Variants in ANKS1A observed in about 807,000 individuals in gnomAD.
ANKS1A encodes ankyrin repeat and sterile alpha motif domain containing 1A.
ANKS1A carries 55 observed loss-of-function variants against 120.3 expected under a neutral mutation model. The observed-to-expected ratio is 0.46, with a 90% CI of 0.37 to 0.57. ANKS1A has a LOEUF of 0.57. Among genes scored for constraint, ANKS1A ranks in the 20% least tolerant of loss-of-function variants. The pLI is 0.00. For missense variants in ANKS1A, 1,123 were observed against 1,480.3 expected (o/e 0.76, Z 3.96); for synonymous variants, 590 against 604.7 (o/e 0.98, Z 0.36).
chr6:34,914,418 C>T (rs964781572), intron 1 of ANKS1A, among the ~76,000 whole-genome samples: 4 of 152,164 alleles, frequency 2.6e-5, no homozygotes, highest in East Asian at 1.9e-4. Flanking sequence ...ATCGTCACTT[C>T]GTAAATCACC....
chr6:34,930,028 T>C (rs1404472562), intron 1 of ANKS1A, among the ~76,000 whole-genome samples: 1 of 152,160 alleles, frequency 6.6e-6, no homozygotes, highest in African/African-American at 2.4e-5. Flanking sequence ...TTTAGTTATC[T>C]TTCATCGATA....
intron 10 of ANKS1A, 28 bp downstream of exon 10, chr6:34,994,450 C>G: frequency 6.2e-7 from 1 of 1,605,168 alleles, no homozygotes; most frequent in Non-Finnish European, 8.5e-7. Flanking sequence ...CCTGGCAGAA[C>G]CAACTCCAAA....
At chr6:34,941,179 G>T (rs1447963196) in intron 1 of ANKS1A, among the ~76,000 whole-genome samples, 1 of 151,934 alleles carries the variant, frequency 6.6e-6, no homozygotes, top group African/African-American at 2.4e-5. Flanking sequence ...GTAGAGACAG[G>T]GTTTCACCAT....
At chr6:35,038,263 G>A in intron 11 of ANKS1A, 1 of 456,726 alleles carries the variant, frequency 2.2e-6, no homozygotes, top group South Asian at 1.5e-5. Context: ...CCTTGTGGGT[G>A]GGTCCGCTGG....
chr6:35,063,593 G>T (rs965734200), intron 13 of ANKS1A, among the ~76,000 whole-genome samples: 13 of 152,216 alleles, frequency 8.5e-5, no homozygotes, highest in African/African-American at 3.1e-4. Context: ...TTCTGAAAAA[G>T]AAAACATGTA....
intron 16 of ANKS1A, among the ~76,000 whole-genome samples, chr6:35,080,453 C>T (rs1173113980): frequency 1.3e-5 from 2 of 152,212 alleles, no homozygotes; most frequent in Non-Finnish European, 2.9e-5. Flanking sequence ...ATGGCGGTAA[C>T]TAGAGCAGCC....
chr6:34,894,991 A>C (rs1298989107), intron 1 of ANKS1A, among the ~76,000 whole-genome samples: 1 of 152,076 alleles, frequency 6.6e-6, no homozygotes, highest in East Asian at 1.9e-4. Flanking sequence ...TCATTGGGGG[A>C]ATAAAAGAAA....
chr6:34,932,856 T>C (rs1469828597), intron 1 of ANKS1A, among the ~76,000 whole-genome samples: 1 of 152,216 alleles, frequency 6.6e-6, no homozygotes, highest in Admixed American at 6.5e-5. Flanking sequence ...TCATTTCTCT[T>C]GGAGTGAATT....
chr6:34,998,681 C>T (rs1038727936), intron 10 of ANKS1A, among the ~76,000 whole-genome samples: 18 of 152,182 alleles, frequency 1.2e-4, no homozygotes, highest in African/African-American at 4.1e-4. Context: ...CACGGACCCC[C>T]CTTAGAGTTG....
intron 14 of ANKS1A, 32 bp downstream of exon 14, chr6:35,078,688 G>T (rs180696142): frequency 1.3e-5 from 21 of 1,593,368 alleles, no homozygotes; most frequent in Non-Finnish European, 1.8e-5. Flanking sequence ...GCCTCAGCCC[G>T]TGCGGAGCCA....
chr6:34,990,982 A>C (rs1205987301), intron 9 of ANKS1A, among the ~76,000 whole-genome samples: 1 of 152,188 alleles, frequency 6.6e-6, no homozygotes, highest in Admixed American at 6.5e-5. Context: ...GGTCTTCTTC[A>C]AAGTGTACTA....
At chr6:34,996,533 C>T (rs1344560604) in intron 10 of ANKS1A, among the ~76,000 whole-genome samples, 2 of 151,550 alleles carry the variant, frequency 1.3e-5, no homozygotes, top group African/African-American at 4.9e-5. Flanking sequence ...AGTGCAGTGG[C>T]CCAATCTCAG....
At chr6:35,067,496 C>G (rs574950070) in intron 13 of ANKS1A, among the ~76,000 whole-genome samples, 118 of 152,282 alleles carry the variant, frequency 7.7e-4, no homozygotes, top group African/African-American at 2.7e-3. Flanking sequence ...CGGAGAAGCC[C>G]GAGTGCCCAG....
chr6:35,073,597 A>C (rs552382847), intron 13 of ANKS1A, among the ~76,000 whole-genome samples: 1 of 152,366 alleles, frequency 6.6e-6, no homozygotes, highest in South Asian at 2.1e-4. Flanking sequence ...TTCAGATGTC[A>C]CTTGGAGTTG....
chr6:35,075,645 A>C (rs1250261060), intron 13 of ANKS1A, among the ~76,000 whole-genome samples: 1 of 151,804 alleles, frequency 6.6e-6, no homozygotes, highest in African/African-American at 2.4e-5. Flanking sequence ...CGAACTCCTG[A>C]CCTCATGATC....
chr6:34,909,934 A>C (rs1420540030), intron 1 of ANKS1A, among the ~76,000 whole-genome samples: 1 of 152,220 alleles, frequency 6.6e-6, no homozygotes. Flanking sequence ...GACTGCAGGT[A>C]ACTGCCTGGT....
At chr6:34,894,593 A>G (rs1025772598) in intron 1 of ANKS1A, among the ~76,000 whole-genome samples, 3 of 152,204 alleles carry the variant, frequency 2.0e-5, no homozygotes, top group African/African-American at 7.2e-5. Context: ...TTGAGGCTGC[A>G]GTGAGCCAAG....
chr6:34,916,257 T>G (rs1196158763), intron 1 of ANKS1A, among the ~76,000 whole-genome samples: 1 of 152,150 alleles, frequency 6.6e-6, no homozygotes, highest in Non-Finnish European at 1.5e-5. Context: ...CCTCCTAAAG[T>G]GCTGGGATTA....
chr6:35,028,586 C>T lies in ANKS1A; in HGVS notation c.2010+10527C>T, dbSNP rs189631240. On this transcript the variant is annotated intron_variant, in intron 11 of 23. Coordinates refer to ENST00000360359, the MANE Select transcript of ANKS1A (RefSeq NM_015245.3). ...TAAGTCTTCCAGATTTTCAGTTCTT[C>T]TCCCTGGTGTTTTGAATATCCTTCC... 1.5e-3 allele frequency among the ~76,000 whole-genome samples: 225 copies of T among 152,278 alleles called. 2 individuals are homozygous for T. Among genetic ancestry groups the T allele is most frequent in the Non-Finnish European group, 1.5e-4 (10 of 68,012 alleles).
Sources: allele counts gnomAD v4.1 joint callset (sites outside exome capture counted in the v4.1 genomes callset), GRCh38; gene constraint gnomAD v4.1.1; transcripts MANE v1.5; gene names NCBI Gene and HGNC (gene_info 2026-07-23, HGNC 2026-07-21).